The following BCL2L14 variants were observed in gnomAD, a reference collection of about 807,000 sequenced individuals.
BCL2L14 encodes the protein apoptosis facilitator Bcl-2-like protein 14.
Under a neutral mutation model 35.3 loss-of-function variants are expected in BCL2L14, and 27 were observed. The observed-to-expected ratio is 0.76, with a 90% CI of 0.56 to 1.05. The LOEUF is 1.05. Among genes scored for constraint, BCL2L14 ranks in the 50% least tolerant of loss-of-function variants. BCL2L14 has a pLI of 0.00. For missense variants in BCL2L14, 377 were observed against 382.6 expected, an observed-to-expected ratio of 0.99 and a Z score of 0.12; for synonymous variants, 139 against 145.9, an observed-to-expected ratio of 0.95 and a Z score of 0.34.
chr12:12,065,501 A>G (rs2136720879), intron 2 of BCL2L14, among the ~76,000 whole-genome samples: 1 of 149,522 alleles, frequency 6.7e-6, no homozygotes, highest in South Asian at 2.1e-4. Context: ...GCACCACTGC[A>G]CTCCAGGCTG....
chr12:12,078,853 G>A (rs1245697502), intron 1 of BCL2L14, among the ~76,000 whole-genome samples: 9 of 152,216 alleles, frequency 5.9e-5, no homozygotes, highest in East Asian at 3.8e-4. Flanking sequence ...CTGGAGTGCA[G>A]TGGCGCAATC....
In BCL2L14 at chr12:12,099,041, G is replaced by T; in HGVS notation, c.*53G>T. 7.3e-7 allele frequency: 1 copy of T among 1,367,376 alleles called. No homozygotes were observed. The highest frequency in any genetic ancestry group is 1.2e-5 in the South Asian group (1 of 85,720). 84.7% of individuals were successfully genotyped at this position (1,367,376 alleles called of 1,614,324 possible). On this transcript the variant is annotated 3_prime_UTR_variant, in exon 6 of 6. Transcript: ENST00000308721. ...CTTTGTCTACTGTGGTCCTGTGCAC[G>T]TTGGCCTCAGATGGACTACAGGAGA... is the stretch of plus-strand genomic sequence containing the variant.
chr12:12,069,860 C>T (rs891444495), upstream of BCL2L14, among the ~76,000 whole-genome samples: 1 of 152,176 alleles, frequency 6.6e-6, no homozygotes, highest in South Asian at 2.1e-4. Context: ...CTAACTTTCC[C>T]ATAACTACCA....
At chr12:12,098,892 T>C in intron 5 of BCL2L14, 58 bp from the exon 6 acceptor site, 11 of 1,244,314 alleles carry the variant, frequency 8.8e-6, no homozygotes, top group Non-Finnish European at 1.3e-5. Flanking sequence ...CAGCCATATG[T>C]TTTCACTTCA....
Position 12,087,339 on chromosome 12 carries a change from C to T in BCL2L14, c.560C>T (p.Ser187Phe), listed in dbSNP as rs769804023. 5 of 1,614,234 alleles carry T rather than the reference C, an allele frequency of 3.1e-6. No individual in the cohort carries two copies. Among genetic ancestry groups the T allele is most frequent in the Non-Finnish European group, 4.2e-6 (5 of 1,180,048 alleles). Residue 187 changes from serine (S) to phenylalanine (F), a missense_variant, in exon 3 of 6, where the codon TCC becomes TTC. Ser to Phe is a radical substitution (Grantham distance 155). Coordinates refer to ENST00000308721, the MANE Select transcript of BCL2L14 (RefSeq NM_138723.2). ...SKEIFVTEGL[S>F]FQLQGHVPVA... is the part of the protein sequence containing the mutation. ...GAGATTTTTGTAACTGAGGGTCTCTCCTTCCAGCTCCAAGGCCACGTGCCT... is the reference window on the plus strand; with the variant it reads ...GAGATTTTTGTAACTGAGGGTCTCTTCTTCCAGCTCCAAGGCCACGTGCCT...
rs1466139670 is a variant in BCL2L14 at position 12,099,677 on chromosome 12, A to G, written c.*689A>G. ...TTGGTAGCAGGTAAAATAAATACAT[A>G]GAAAGACTACTGTCAAAAGAGTGTC... On this transcript the variant is annotated 3_prime_UTR_variant, in exon 6 of 6. Transcript: ENST00000308721. 1 of 152,214 alleles carries G rather than the reference A, an allele frequency of 6.6e-6. No homozygotes were observed. Among genetic ancestry groups the G allele is most frequent in the Non-Finnish European group, 1.5e-5 (1 of 68,032 alleles). 9.4% of individuals were successfully genotyped at this position (152,214 alleles called of 1,614,324 possible).
At position 12,094,665 on chromosome 12, in the gene BCL2L14, T is replaced by C. The variant is rs775650764; in HGVS notation, c.680T>C (p.Leu227Pro). The C allele has an allele frequency of 7.4e-6, 12 of 1,614,206 alleles. No homozygotes were observed. The highest frequency in any genetic ancestry group is 8.5e-6 in the Non-Finnish European group (10 of 1,180,024). ...GAGTGCTTATTCTTTTGTACACAGC[T>C]GAAGAAAGATAAGGCTTTGATGGGC... ...KYSGDQLERK[L>P]KKDKALMGHF... Residue 227 changes from leucine (L) to proline (P), a missense_variant and splice_region_variant, in exon 5 of 6, where the codon CTG becomes CCG. Transcript: ENST00000308721.
chr12:12,092,460 C>CGT (rs1191744107), intron 4 of BCL2L14, among the ~76,000 whole-genome samples: 1 of 152,094 alleles, frequency 6.6e-6, no homozygotes, highest in Non-Finnish European at 1.5e-5. Context: ...TGCAGAGTGC[C>CGT]GTGTGTGTGG....
chr12:12,054,275 G>A (rs1948398691), intron 2 of BCL2L14, among the ~76,000 whole-genome samples: 1 of 152,164 alleles, frequency 6.6e-6, no homozygotes. Flanking sequence ...GGCCAAGGCA[G>A]GTGGATCACC....
chr12:12,058,609 C>T (rs976491098), intron 2 of BCL2L14, among the ~76,000 whole-genome samples: 4 of 151,972 alleles, frequency 2.6e-5, no homozygotes, highest in African/African-American at 4.8e-5. Context: ...CACTCCTGCC[C>T]GCCAGAGAAC....
intron 2 of BCL2L14, among the ~76,000 whole-genome samples, chr12:12,052,599 CA>C (rs1948373875): frequency 6.6e-6 from 1 of 152,214 alleles, no homozygotes; most frequent in East Asian, 1.9e-4. Flanking sequence ...ATATATACCA[CA>C]TTTTCTTTAT....
chr12:12,096,294 A>C (rs1215287478), intron 5 of BCL2L14: 14 of 441,926 alleles, frequency 3.2e-5, no homozygotes, highest in Non-Finnish European at 3.9e-5. Flanking sequence ...AAATCTGTTT[A>C]ACCCACTAAT....
intron 2 of BCL2L14, among the ~76,000 whole-genome samples, chr12:12,061,289 T>C (rs1184339751): frequency 2.0e-5 from 3 of 151,726 alleles, no homozygotes; most frequent in African/African-American, 7.3e-5. Flanking sequence ...AAGTATAAGA[T>C]ACCTCTACTC....
At chr12:12,092,192 G>A (rs767411526) in intron 4 of BCL2L14, among the ~76,000 whole-genome samples, 3 of 152,208 alleles carry the variant, frequency 2.0e-5, no homozygotes, top group Admixed American at 1.3e-4. Context: ...TGGGAAAGGC[G>A]GAGTGGGGGT....
At chr12:12,065,794 A>T (rs903098900) in intron 2 of BCL2L14, among the ~76,000 whole-genome samples, 335 of 139,858 alleles carry the variant, frequency 2.4e-3, no homozygotes, top group African/African-American at 7.9e-3. Flanking sequence ...CTTTGTTTCT[A>T]TTTTTTTTTT....
chr12:12,068,439 G>A (rs1948619256), upstream of BCL2L14, among the ~76,000 whole-genome samples: 1 of 152,086 alleles, frequency 6.6e-6, no homozygotes, highest in Non-Finnish European at 1.5e-5. Flanking sequence ...GTCTTACTCT[G>A]TCACCCAGGC....
At chr12:12,074,367 A>AC (rs1235128615) in intron 1 of BCL2L14, among the ~76,000 whole-genome samples, 1 of 152,246 alleles carries the variant, frequency 6.6e-6, no homozygotes, top group East Asian at 1.9e-4. Context: ...CCGCCTTCAT[A>AC]TCTTACAGTA....
At position 12,099,451 on chromosome 12, in the gene BCL2L14, T is replaced by C. The variant is rs1165387947; in HGVS notation, c.*463T>C. 1.3e-5 allele frequency: 2 copies of C among 156,050 alleles called. No homozygotes were observed. The highest frequency in any genetic ancestry group is 2.8e-5 in the Non-Finnish European group (2 of 70,900). The allele number at this position is 156,050 out of a possible 1,614,324, so 9.7% of individuals were successfully genotyped here. ...CCTAGGAAGATGTTGCTATTCACGT[T>C]AGTAAACAGCCTAAAGAAACTCTTA... On this transcript the variant is annotated 3_prime_UTR_variant, in exon 6 of 6. Transcript: ENST00000308721.
At chr12:12,056,723 C>T (rs1948437964) in intron 2 of BCL2L14, among the ~76,000 whole-genome samples, 1 of 152,158 alleles carries the variant, frequency 6.6e-6, no homozygotes, top group African/African-American at 2.4e-5. Context: ...ATCCCAGCTA[C>T]TCAGGAGGCT....
Sources: gnomAD v4.1 joint callset for allele counts (sites outside exome capture counted in the v4.1 genomes callset) on GRCh38, gnomAD v4.1.1 for gene constraint, MANE v1.5 for transcripts, NCBI Gene and HGNC (gene_info 2026-07-23, HGNC 2026-07-21) for gene names.